RAD52: variants seen among roughly 807,000 people sequenced by gnomAD.
RAD52 encodes the protein DNA repair protein RAD52 homolog.
Under a neutral mutation model 55.5 loss-of-function variants are expected in RAD52, and 47 were observed. The ratio of observed to expected loss-of-function variants is 0.85; its 90% CI spans 0.67 to 1.08. RAD52 has a LOEUF of 1.08. Ranked by LOEUF, RAD52 falls within the 50% of genes least tolerant of loss-of-function variation. The probability of loss-of-function intolerance (pLI) is 0.00; values close to 1 mark genes in which losing one functional copy is unlikely to be tolerated. For missense variants in RAD52, 468 were observed against 522.8 expected (o/e 0.90, Z 1.02); for synonymous variants, 184 against 198.9 (o/e 0.92, Z 0.63).
intron 1 of RAD52, among the ~76,000 whole-genome samples, chr12:961,317 A>AAAAAAAAAAAAAAAAAAG: frequency 6.8e-6 from 1 of 146,684 alleles, no homozygotes; most frequent in Non-Finnish European, 1.5e-5. Flanking sequence ...CTCAAAAAAA[A>AAAAAAAAAAAAAAAAAAG]AAAAAAAAAA....
intron 1 of RAD52, among the ~76,000 whole-genome samples, chr12:939,085 T>TGTGTGTGTAGAG (rs57206780): frequency 2.1e-5 from 3 of 144,650 alleles, no homozygotes; most frequent in Admixed American, 1.4e-4. Flanking sequence ...TGTGTGTGTG[T>TGTGTGTGTAGAG]AGAGAGAGAG....
chr12:930,764 C>T (rs911831055), intron 3 of RAD52, among the ~76,000 whole-genome samples: 3 of 151,734 alleles, frequency 2.0e-5, no homozygotes, highest in Admixed American at 6.6e-5. Context: ...CCCAGCAGTT[C>T]GAGATCAGCC....
At chr12:978,907 T>C (rs916793016) in intron 1 of RAD52, among the ~76,000 whole-genome samples, 3 of 151,056 alleles carry the variant, frequency 2.0e-5, no homozygotes, top group Admixed American at 2.0e-4. Context: ...GATAGATAGA[T>C]AGATAGATAG....
At chr12:941,306 A>G (rs1340403457) in intron 1 of RAD52, among the ~76,000 whole-genome samples, 1 of 152,196 alleles carries the variant, frequency 6.6e-6, no homozygotes, top group East Asian at 1.9e-4. Context: ...TGAAAACCAT[A>G]AAACAGAACT....
intron 7 of RAD52, among the ~76,000 whole-genome samples, chr12:918,740 G>A (rs1377197114): frequency 5.9e-5 from 9 of 151,956 alleles, no homozygotes; most frequent in Non-Finnish European, 1.3e-4. Flanking sequence ...TTTGCTCAGA[G>A]TGGGAAGGAG....
chr12:955,103 T>C (rs1958586338), intron 1 of RAD52, among the ~76,000 whole-genome samples: 1 of 152,216 alleles, frequency 6.6e-6, no homozygotes, highest in Non-Finnish European at 1.5e-5. Context: ...AAGGTAAGTA[T>C]TCTTAAGGAT....
At chr12:915,314 A>T (rs1331182216) in intron 9 of RAD52, among the ~76,000 whole-genome samples, 1 of 152,224 alleles carries the variant, frequency 6.6e-6, no homozygotes, top group African/African-American at 2.4e-5. Context: ...CTCAACAGTA[A>T]GGATATCCAC....
At chr12:987,020 G>C (rs2154122209) in intron 1 of RAD52, among the ~76,000 whole-genome samples, 1 of 152,104 alleles carries the variant, frequency 6.6e-6, no homozygotes, top group Non-Finnish European at 1.5e-5. Flanking sequence ...GCCCAGGCTG[G>C]AGCGCAATGG....
At chr12:933,668 T>C (rs1957457528) in intron 1 of RAD52, among the ~76,000 whole-genome samples, 1 of 152,090 alleles carries the variant, frequency 6.6e-6, no homozygotes, top group Non-Finnish European at 1.5e-5. Flanking sequence ...TAAGAATATA[T>C]TACATTTAGA....
intron 7 of RAD52, among the ~76,000 whole-genome samples, chr12:922,770 G>C (rs1201869718): frequency 6.6e-6 from 1 of 152,086 alleles, no homozygotes. Context: ...AGGAGTTTGA[G>C]ACTAGCCTGG....
intron 6 of RAD52, chr12:926,660 G>T: frequency 1.0e-6 from 1 of 972,202 alleles, no homozygotes; most frequent in Non-Finnish European, 1.5e-6. Context: ...CAGGCTTCCA[G>T]TACAGTCCAC....
Position 925,532 on chromosome 12 carries a change from G to A in RAD52, c.468-7C>T. On this transcript the variant is annotated splice_region_variant and splice_polypyrimidine_tract_variant and intron_variant, in intron 6 of 11. Coordinates refer to ENST00000358495, the MANE Select transcript of RAD52 (RefSeq NM_134424.4). ...AAGTGCATTCCCAAAACTCCTAAGG[G>A]CAAGAGAAAAAAAGGTGAAACAGGG... 6.2e-7 allele frequency: 1 copy of A among 1,606,970 alleles called. No homozygotes were observed. Among genetic ancestry groups the A allele is most frequent in the Non-Finnish European group, 8.5e-7 (1 of 1,173,846 alleles).
intron 1 of RAD52, among the ~76,000 whole-genome samples, chr12:985,746 G>A (rs560129615): frequency 1.6e-4 from 24 of 152,130 alleles, no homozygotes; most frequent in Non-Finnish European, 2.6e-4. Flanking sequence ...AGGTTCAAGC[G>A]ATTCTCCTGC....
At chr12:956,716 T>G (rs1472891059) in intron 1 of RAD52, among the ~76,000 whole-genome samples, 1 of 152,096 alleles carries the variant, frequency 6.6e-6, no homozygotes, top group African/African-American at 2.4e-5. Flanking sequence ...CTGGCTAATT[T>G]TTGTATTTTT....
chr12:912,406 A>G lies in RAD52; in HGVS notation c.*985T>C, dbSNP rs554407947. 1.4e-4 allele frequency: 28 copies of G among 202,716 alleles called. No individual in the cohort carries two copies. The South Asian group carries it at 4.8e-3, about 34-fold the overall frequency. The allele number at this position is 202,716 out of a possible 1,614,324, so 12.6% of individuals were successfully genotyped here. A position where few individuals can be genotyped will look rare whatever the true frequency, so the allele number is the denominator to read the frequency against. ...TGTGTATGAGGCATATACACGAAAC[A>G]CAGGTGAATTCCACGTTCAGACTTG... On this transcript the variant is annotated 3_prime_UTR_variant, in exon 12 of 12. Coordinates refer to ENST00000358495, the MANE Select transcript of RAD52 (RefSeq NM_134424.4).
At chr12:915,725 GTT>G (rs1956328912) in intron 9 of RAD52, among the ~76,000 whole-genome samples, 1 of 56,856 alleles carries the variant, frequency 1.8e-5, no homozygotes, top group African/African-American at 5.3e-5. Context: ...TTTTTGTTTT[GTT>G]TTTGTTTTGA....
chr12:915,817 A>G (rs962348117), intron 9 of RAD52, among the ~76,000 whole-genome samples: 2 of 152,036 alleles, frequency 1.3e-5, no homozygotes, highest in Admixed American at 1.3e-4. Context: ...TTCTGGATTC[A>G]AGCAATTCTG....
intron 9 of RAD52, 33 bp from the exon 10 acceptor site, chr12:914,565 A>G (rs904911947): frequency 3.7e-6 from 6 of 1,610,990 alleles, no homozygotes; most frequent in Non-Finnish European, 4.2e-6. Flanking sequence ...AGGACAAGTC[A>G]TCATCACATC....
chr12:963,895 G>A (rs796135620), intron 1 of RAD52, among the ~76,000 whole-genome samples: 10 of 152,232 alleles, frequency 6.6e-5, no homozygotes, highest in African/African-American at 2.4e-4. Context: ...TCTTTCAAAT[G>A]GAGCGATTGC....
Sources: allele counts gnomAD v4.1 joint callset (sites outside exome capture counted in the v4.1 genomes callset), GRCh38; gene constraint gnomAD v4.1.1; transcripts MANE v1.5; gene names NCBI Gene and HGNC (gene_info 2026-07-23, HGNC 2026-07-21).